CTNNA2: variants seen among roughly 807,000 people sequenced by gnomAD.
CTNNA2 encodes the protein catenin alpha 2.
A neutral mutation model predicts 101.0 loss-of-function variants in CTNNA2; 42 were observed. The observed-to-expected ratio is 0.42, with a 90% CI of 0.32 to 0.54. The LOEUF (loss-of-function observed/expected upper bound fraction) is 0.54. Ranked by LOEUF, CTNNA2 falls within the 20% of genes least tolerant of loss-of-function variation. The probability of loss-of-function intolerance (pLI) is 0.14; values close to 1 mark genes in which losing one functional copy is unlikely to be tolerated. For synonymous variants in CTNNA2, 450 were observed against 456.4 expected (o/e 0.99, Z 0.18); for missense variants, 871 against 1,223.1 (o/e 0.71, Z 4.29).
At chr2:79,616,857 G>C (rs1678653886) in intron 1 of CTNNA2, among the ~76,000 whole-genome samples, 1 of 151,488 alleles carries the variant, frequency 6.6e-6, no homozygotes, top group African/African-American at 2.4e-5. Flanking sequence ...TTTGGCGTTT[G>C]TCATTTTCCC....
intron 3 of CTNNA2, among the ~76,000 whole-genome samples, chr2:79,797,672 A>AAAAAAG (rs1558937666): frequency 1.3e-5 from 2 of 151,168 alleles, no homozygotes; most frequent in Admixed American, 6.6e-5. Context: ...AAAAAAAAAA[A>AAAAAAG]AAAAAAATGA....
chr2:79,634,900 T>A (rs558503745), intron 1 of CTNNA2, among the ~76,000 whole-genome samples: 2 of 152,328 alleles, frequency 1.3e-5, no homozygotes, highest in East Asian at 3.9e-4. Flanking sequence ...AATGGGACTG[T>A]GCTGGGGGAG....
intron 4 of CTNNA2, among the ~76,000 whole-genome samples, chr2:79,398,751 G>A (rs1390810742): frequency 2.0e-5 from 3 of 150,940 alleles, no homozygotes; most frequent in African/African-American, 7.3e-5. Flanking sequence ...CAGGGATATT[G>A]GCCCCAAAAA....
chr2:79,507,342 G>T (rs1671434695), intron 5 of CTNNA2, among the ~76,000 whole-genome samples: 1 of 152,150 alleles, frequency 6.6e-6, no homozygotes, highest in Non-Finnish European at 1.5e-5. Flanking sequence ...GGAACTTTTA[G>T]AGGTGTTTAG....
intron 4 of CTNNA2, among the ~76,000 whole-genome samples, chr2:79,863,704 C>T (rs1681814425): frequency 1.3e-5 from 2 of 152,190 alleles, no homozygotes; most frequent in African/African-American, 4.8e-5. Context: ...GAAGCTGCTA[C>T]CCCTGGGGCT....
chr2:80,465,887 T>C (rs1353737007), intron 9 of CTNNA2, among the ~76,000 whole-genome samples: 2 of 152,196 alleles, frequency 1.3e-5, no homozygotes, highest in Admixed American at 6.5e-5. Flanking sequence ...TGATGGTTTT[T>C]ATTTTTTTCA....
At chr2:79,211,174 T>C (rs1014338579) in intron 2 of CTNNA2, among the ~76,000 whole-genome samples, 5 of 152,202 alleles carry the variant, frequency 3.3e-5, no homozygotes, top group Non-Finnish European at 7.3e-5. Flanking sequence ...AAATCTTACC[T>C]TTCACACTCT....
At chr2:79,626,432 C>A (rs1002695871) in intron 1 of CTNNA2, among the ~76,000 whole-genome samples, 1 of 152,086 alleles carries the variant, frequency 6.6e-6, no homozygotes, top group Non-Finnish European at 1.5e-5. Context: ...GTACCATTAG[C>A]CTGAAATTTC....
chr2:80,108,112 T>A (rs1701001243), intron 7 of CTNNA2, among the ~76,000 whole-genome samples: 1 of 151,966 alleles, frequency 6.6e-6, no homozygotes, highest in Non-Finnish European at 1.5e-5. Context: ...TCCCAGAGAG[T>A]TTTCATTTTA....
intron 3 of CTNNA2, among the ~76,000 whole-genome samples, chr2:79,364,092 G>A (rs1209952028): frequency 6.6e-6 from 1 of 152,164 alleles, no homozygotes; most frequent in African/African-American, 2.4e-5. Context: ...GTCTTTCACA[G>A]TGTCAGGTCT....
At chr2:79,271,422 G>A (rs1052928373) in intron 2 of CTNNA2, among the ~76,000 whole-genome samples, 40 of 152,210 alleles carry the variant, frequency 2.6e-4, no homozygotes, top group African/African-American at 9.6e-4. Flanking sequence ...AAGACTGATA[G>A]CGAGAGAGCT....
chr2:79,489,637 C>G (rs1416809934), intron 4 of CTNNA2, among the ~76,000 whole-genome samples: 1 of 152,190 alleles, frequency 6.6e-6, no homozygotes, highest in Non-Finnish European at 1.5e-5. Context: ...ATAACTGTAT[C>G]TACCCCAAGG....
At chr2:80,037,990 C>G (rs1372634001) in intron 7 of CTNNA2, among the ~76,000 whole-genome samples, 1 of 151,898 alleles carries the variant, frequency 6.6e-6, no homozygotes, top group Non-Finnish European at 1.5e-5. Context: ...GTGGAGAGAC[C>G]TAATTGGGGG....
intron 7 of CTNNA2, among the ~76,000 whole-genome samples, chr2:80,127,850 C>T (rs1468068032): frequency 6.6e-6 from 1 of 152,056 alleles, no homozygotes; most frequent in Non-Finnish European, 1.5e-5. Flanking sequence ...TAAAGAGGGA[C>T]ATTTTTACTT....
intron 2 of CTNNA2, among the ~76,000 whole-genome samples, chr2:79,227,091 C>T (rs922366282): frequency 2.6e-5 from 4 of 152,126 alleles, no homozygotes; most frequent in Non-Finnish European, 2.9e-5. Context: ...TTATCACATT[C>T]AGCAGTCTCT....
At chr2:80,282,467 G>T (rs1294617019) in intron 7 of CTNNA2, among the ~76,000 whole-genome samples, 1 of 151,900 alleles carries the variant, frequency 6.6e-6, no homozygotes, top group African/African-American at 2.4e-5. Flanking sequence ...ACTTCTCATG[G>T]TGTGAAATTT....
chr2:79,497,901 A>G (rs1671276599), intron 4 of CTNNA2, among the ~76,000 whole-genome samples: 2 of 152,248 alleles, frequency 1.3e-5, no homozygotes, highest in African/African-American at 4.8e-5. Flanking sequence ...TGAAGAATAA[A>G]GAACTGTATT....
chr2:79,197,500 G>C (rs1443791756), intron 1 of CTNNA2, among the ~76,000 whole-genome samples: 1 of 151,070 alleles, frequency 6.6e-6, no homozygotes, highest in South Asian at 2.1e-4. Context: ...AGTGCTTGTT[G>C]CTGCTGAGGT....
At chr2:80,520,893 T>C (rs1689487809) in intron 9 of CTNNA2, among the ~76,000 whole-genome samples, 1 of 152,016 alleles carries the variant, frequency 6.6e-6, no homozygotes, top group Non-Finnish European at 1.5e-5. Flanking sequence ...TTTCTGTGAG[T>C]TGAGAGGTTT....
Sources: gnomAD v4.1 joint callset for allele counts (sites outside exome capture counted in the v4.1 genomes callset) on GRCh38, gnomAD v4.1.1 for gene constraint, MANE v1.5 for transcripts, NCBI Gene and HGNC (gene_info 2026-07-23, HGNC 2026-07-21) for gene names.